The following PCDHA9 variants were observed in gnomAD, a reference collection of about 807,000 sequenced individuals.
PCDHA9 encodes protocadherin alpha 9.
In PCDHA9, 62 loss-of-function variants were observed where a neutral mutation model predicts 62.0. The ratio of observed to expected loss-of-function variants is 1.00; its 90% CI spans 0.81 to 1.23. The LOEUF is 1.23. Among genes scored for constraint, PCDHA9 ranks in the 50% most tolerant of loss-of-function variants. PCDHA9 has a pLI of 0.00. For synonymous variants in PCDHA9, 557 were observed against 567.6 expected, an observed-to-expected ratio of 0.98 and a Z score of 0.27; for missense variants, 1,205 against 1,249.8, an observed-to-expected ratio of 0.96 and a Z score of 0.54.
At chr5:140,939,281 G>C (rs1554212652) in intron 1 of PCDHA9, among the ~76,000 whole-genome samples, 1 of 152,014 alleles carries the variant, frequency 6.6e-6, no homozygotes. Context: ...CTGTGCCCTC[G>C]TGATCTAATC....
intron 1 of PCDHA9, among the ~76,000 whole-genome samples, chr5:140,953,432 C>T (rs1292809968): frequency 6.6e-6 from 1 of 152,108 alleles, no homozygotes; most frequent in Non-Finnish European, 1.5e-5. Context: ...TGTCCTTAAG[C>T]TGGAGAAACT....
Position 140,858,553 on chromosome 5 carries a change from G to A in PCDHA9, c.2394+7664G>A, listed in dbSNP as rs782150802. 10 of 1,392,490 alleles carry A rather than the reference G, an allele frequency of 7.2e-6. 2 individuals are homozygous for A. In the South Asian group the frequency reaches 1.1e-4, roughly 16 times the overall value. The allele number at this position is 1,392,490 out of a possible 1,614,324, so 86.3% of individuals were successfully genotyped here. ...TTTTGTCTACATTCCATTTATGCTT[G>A]AATATTTCTAGTGATACCTTTGTAA... On this transcript the variant is annotated intron_variant, in intron 1 of 3. Coordinates refer to ENST00000532602, the MANE Select transcript of PCDHA9 (RefSeq NM_031857.2).
rs559093543 is a variant in PCDHA9 at position 140,936,623 on chromosome 5, A to G, written c.2395-42326A>G. Among the ~76,000 whole-genome samples, 3 of 152,312 alleles carry G rather than the reference A, an allele frequency of 2.0e-5. No individual in the cohort carries two copies. The East Asian group carries it at 5.8e-4, about 29-fold the overall frequency. On this transcript the variant is annotated intron_variant, in intron 1 of 3. Transcript: ENST00000532602. ...TTCCTCGCTGCTACTGTGCAGTGCT[A>G]CCTTTGTCATAAGCAACGTGACTTT...
intron 1 of PCDHA9, chr5:140,871,535 G>GTTTC: frequency 6.6e-7 from 1 of 1,514,054 alleles, no homozygotes; most frequent in Non-Finnish European, 8.9e-7. Flanking sequence ...AAGTGTATGT[G>GTTTC]AAATTATTTA....
intron 1 of PCDHA9, among the ~76,000 whole-genome samples, chr5:140,965,887 T>C (rs1357808186): frequency 6.6e-6 from 1 of 152,214 alleles, no homozygotes; most frequent in Non-Finnish European, 1.5e-5. Context: ...GAGAGCAGAA[T>C]TGAGTCTTGG....
intron 1 of PCDHA9, among the ~76,000 whole-genome samples, chr5:140,925,210 C>G (rs1319343041): frequency 1.3e-5 from 2 of 152,122 alleles, no homozygotes; most frequent in Admixed American, 6.5e-5. Context: ...ATTATCGATA[C>G]TTTTAGGCAG....
In PCDHA9 at chr5:140,877,128, G is replaced by T. The variant is rs782052511; in HGVS notation, c.2394+26239G>T. On this transcript the variant is annotated intron_variant, in intron 1 of 3. Coordinates refer to ENST00000532602, the MANE Select transcript of PCDHA9 (RefSeq NM_031857.2). ...CTCTGGGCAGCAACGTGACGCTGCA[G>T]GTGTTCGTGCTGGACGAGAACGACA... is the stretch of plus-strand genomic sequence containing the variant. 3.1e-6 allele frequency: 5 copies of T among 1,613,644 alleles called. No homozygotes were observed. The African/African-American group carries it at 5.3e-5, about 17-fold the overall frequency.
At chr5:140,857,576 C>T in intron 1 of PCDHA9, 1 of 1,596,780 alleles carries the variant, frequency 6.3e-7, no homozygotes, top group African/African-American at 1.3e-5. Flanking sequence ...CGTGTCGGTG[C>T]ACGCGGAGAG....
At chr5:140,891,358 G>A (rs1002422244) in intron 1 of PCDHA9, among the ~76,000 whole-genome samples, 1 of 152,044 alleles carries the variant, frequency 6.6e-6, no homozygotes. Flanking sequence ...TCCATCACCT[G>A]AGCAGTATAC....
intron 1 of PCDHA9, among the ~76,000 whole-genome samples, chr5:140,935,913 GACAGATTC>G (rs1178474379): frequency 8.0e-6 from 1 of 125,106 alleles, no homozygotes; most frequent in Admixed American, 8.3e-5. Context: ...TTTTTTTTGA[GACAGATTC>G]TCATTCTGTT....
intron 1 of PCDHA9, chr5:140,870,531 G>C (rs1554164370): frequency 6.2e-7 from 1 of 1,614,196 alleles, no homozygotes; most frequent in Admixed American, 1.7e-5. Flanking sequence ...TCTTCACAGT[G>C]TCGGCGCGGG....
chr5:140,997,071 A>G lies in PCDHA9; in HGVS notation c.2543-12556A>G, dbSNP rs554920320. Among the ~76,000 whole-genome samples, 444 of 152,266 alleles carry G rather than the reference A, an allele frequency of 2.9e-3. 5 individuals carry two copies. Among genetic ancestry groups the G allele is most frequent in the Non-Finnish European group, 4.4e-3 (297 of 68,014 alleles). Reference sequence around the variant, plus strand: ...TTTAGAGCAGTTTTAGGTTCACAGGAAAGTTGAGTAGAAAGTGCAGAGTTC... The same window carrying G: ...TTTAGAGCAGTTTTAGGTTCACAGGGAAGTTGAGTAGAAAGTGCAGAGTTC... On this transcript the variant is annotated intron_variant, in intron 3 of 3. Coordinates refer to ENST00000532602, the MANE Select transcript of PCDHA9 (RefSeq NM_031857.2).
chr5:140,882,462 G>C (rs1487611246), intron 1 of PCDHA9: 1 of 1,613,916 alleles, frequency 6.2e-7, no homozygotes, highest in Non-Finnish European at 8.5e-7. Context: ...CGCCTGTTCC[G>C]GGTGGCGTCC....
intron 1 of PCDHA9, chr5:140,968,434 C>T: frequency 6.8e-6 from 11 of 1,613,948 alleles, no homozygotes; most frequent in Non-Finnish European, 8.5e-6. Flanking sequence ...ACAAGGGGAG[C>T]CCACCACTGA....
intron 1 of PCDHA9, among the ~76,000 whole-genome samples, chr5:140,965,996 A>G (rs2095956267): frequency 6.6e-6 from 1 of 152,102 alleles, no homozygotes; most frequent in South Asian, 2.1e-4. Context: ...TGCAGTACTT[A>G]AGAGTGTCCA....
intron 3 of PCDHA9, among the ~76,000 whole-genome samples, chr5:140,999,676 C>T: frequency 6.6e-6 from 1 of 152,086 alleles, no homozygotes; most frequent in East Asian, 1.9e-4. Flanking sequence ...GGGGGGCTCA[C>T]AGAAAGAAGA....
intron 1 of PCDHA9, among the ~76,000 whole-genome samples, chr5:140,952,940 G>A (rs2094821781): frequency 6.6e-6 from 1 of 152,066 alleles, no homozygotes. Context: ...AGGAGCAAGA[G>A]AGAGAGAAGG....
chr5:140,968,272 A>G (rs369285531), intron 1 of PCDHA9: 1 of 1,613,936 alleles, frequency 6.2e-7, no homozygotes, highest in African/African-American at 1.3e-5. Context: ...AGGAGAATGC[A>G]GAGGTGACCT....
intron 1 of PCDHA9, chr5:140,929,402 A>G: frequency 7.3e-6 from 11 of 1,507,926 alleles, no homozygotes; most frequent in Non-Finnish European, 9.7e-6. Context: ...TTTCTTAGAC[A>G]AGCCTTTCAC....
Sources: allele counts gnomAD v4.1 joint callset (sites outside exome capture counted in the v4.1 genomes callset), GRCh38; gene constraint gnomAD v4.1.1; transcripts MANE v1.5; gene names NCBI Gene and HGNC (gene_info 2026-07-23, HGNC 2026-07-21).